Variants in ARL17B observed in about 807,000 individuals in gnomAD.
ARL17B encodes ADP-ribosylation factor-like protein 17.
intron 2 of ARL17B, among the ~76,000 whole-genome samples, chr17:46,357,363 C>G (rs2317345): frequency 2.1e-5 from 2 of 93,764 alleles, no homozygotes; most frequent in African/African-American, 8.5e-5. Flanking sequence ...TTAACAAGCC[C>G]GTAAAACACA....
At chr17:46,282,439 A>C (rs1415273009) in intron 4 of ARL17B, among the ~76,000 whole-genome samples, 2 of 148,408 alleles carry the variant, frequency 1.3e-5, no homozygotes, top group Admixed American at 6.8e-5. Flanking sequence ...TAAACAGGCA[A>C]GTTCTTGCTG....
chr17:46,280,000 C>T (rs181030311), intron 4 of ARL17B, among the ~76,000 whole-genome samples: 3 of 152,334 alleles, frequency 2.0e-5, no homozygotes, highest in Non-Finnish European at 4.4e-5. Context: ...TACCGCACAG[C>T]CTGCTGTACA....
chr17:46,278,596 G>T (rs1299281329), intron 4 of ARL17B, among the ~76,000 whole-genome samples: 7 of 151,474 alleles, frequency 4.6e-5, no homozygotes, highest in African/African-American at 1.7e-4. Context: ...TAGAGATGAG[G>T]TTTCACCATC....
At chr17:46,286,784 T>G (rs2049930557) in intron 4 of ARL17B, among the ~76,000 whole-genome samples, 1 of 152,270 alleles carries the variant, frequency 6.6e-6, no homozygotes, top group South Asian at 2.1e-4. Flanking sequence ...GTGATGCTCT[T>G]ATTAGAACTC....
At chr17:46,286,960 T>C (rs2049938210) in intron 4 of ARL17B, among the ~76,000 whole-genome samples, 1 of 152,252 alleles carries the variant, frequency 6.6e-6, no homozygotes, top group Admixed American at 6.5e-5. Flanking sequence ...ACAGCCAATA[T>C]AGAACCTAGA....
rs2050815161 is a variant in ARL17B at position 46,311,889 on chromosome 17, GA to G, written c.260-12225del. ...CCTTAGTTTAATGTATAAAATGAAG[GA>G]CTTGAACCAGAAATGGAAATGGTCA... On this transcript the variant is annotated intron_variant, in intron 3 of 4. Coordinates refer to the ARL17B transcript ENST00000434041. Among the ~76,000 whole-genome samples, 2 of 57,500 alleles carry G rather than the reference GA, an allele frequency of 3.5e-5. 1 individual carries two copies. The highest frequency in any genetic ancestry group is 1.0e-4 in the Non-Finnish European group (2 of 19,502). 37.7% of individuals were successfully genotyped at this position (57,500 alleles called of 152,430 possible). A position where few individuals can be genotyped will look rare whatever the true frequency, so the allele number is the denominator to read the frequency against.
intron 4 of ARL17B, among the ~76,000 whole-genome samples, chr17:46,283,073 C>T: frequency 6.6e-6 from 1 of 152,072 alleles, no homozygotes; most frequent in Admixed American, 6.5e-5. Flanking sequence ...GAGGTGAGAT[C>T]ACACCACTGC....
chr17:46,340,186 G>A (rs1221061938), intron 3 of ARL17B, among the ~76,000 whole-genome samples: 1 of 98,548 alleles, frequency 1.0e-5, no homozygotes, highest in Admixed American at 1.0e-4. Flanking sequence ...TATCCACAGG[G>A]AAATTCAGGA....
In ARL17B at chr17:46,324,863, T is replaced by A; in HGVS notation, c.260-25198A>T. ...TAAAATATATATATATTTATATATA[T>A]GTACGTGTATATATGTATATGTATG... On this transcript the variant is annotated intron_variant, in intron 3 of 4. Transcript: ENST00000434041. Among the ~76,000 whole-genome samples, 2 of 75,612 alleles carry A rather than the reference T, an allele frequency of 2.6e-5. 1 individual carries two copies. The highest frequency in any genetic ancestry group is 5.0e-4 in the East Asian group (2 of 3,976). The allele number at this position is 75,612 out of a possible 152,430, so 49.6% of individuals were successfully genotyped here. A position where few individuals can be genotyped will look rare whatever the true frequency, so the allele number is the denominator to read the frequency against.
chr17:46,282,837 G>A (rs1205573772), intron 4 of ARL17B, among the ~76,000 whole-genome samples: 1 of 152,204 alleles, frequency 6.6e-6, no homozygotes, highest in Non-Finnish European at 1.5e-5. Context: ...TCACTGTGGG[G>A]GCTGGGCGCG....
chr17:46,322,637 ATAT>A (rs2051455861), intron 3 of ARL17B, among the ~76,000 whole-genome samples: 1 of 22,206 alleles, frequency 4.5e-5, no homozygotes, highest in African/African-American at 6.3e-5. Flanking sequence ...ACATGGAGGA[ATAT>A]TATTTAACCA....
exon 5 of ARL17B, chr17:46,275,269 T>G (rs1165521249): frequency 2.1e-6 from 1 of 483,954 alleles, no homozygotes; most frequent in African/African-American, 2.3e-5. Context: ...AAAACAAAGT[T>G]TAGGTCAAGT....
intron 3 of ARL17B, among the ~76,000 whole-genome samples, chr17:46,314,458 C>A (rs2050960025): frequency 1.2e-5 from 1 of 81,422 alleles, no homozygotes; most frequent in African/African-American, 3.2e-5. Context: ...TCAGGTGACG[C>A]CATTGCACTC....
At chr17:46,327,959 A>G (rs1314343293) in intron 3 of ARL17B, among the ~76,000 whole-genome samples, 5 of 65,990 alleles carry the variant, frequency 7.6e-5, no homozygotes, top group African/African-American at 1.7e-4. Context: ...TAACTCCGCA[A>G]TCCAGGTTAA....
At chr17:46,285,473 C>A (rs1433361305) in intron 4 of ARL17B, among the ~76,000 whole-genome samples, 10 of 152,124 alleles carry the variant, frequency 6.6e-5, no homozygotes, top group Non-Finnish European at 1.0e-4. Context: ...AACTCCTGAC[C>A]TCATGATTTG....
intron 4 of ARL17B, among the ~76,000 whole-genome samples, chr17:46,283,372 A>C (rs1326030310): frequency 6.6e-6 from 1 of 152,274 alleles, no homozygotes; most frequent in African/African-American, 2.4e-5. Context: ...TGGTTCAAGG[A>C]AAGGCTGGGC....
downstream of ARL17B, chr17:46,334,867 A>C (rs537660346): frequency 2.9e-5 from 4 of 137,892 alleles, no homozygotes; most frequent in East Asian, 8.5e-4. Context: ...AAAACCAATA[A>C]AAATACAAAC....
intron 4 of ARL17B, among the ~76,000 whole-genome samples, chr17:46,278,499 G>T (rs1216073678): frequency 6.6e-6 from 1 of 151,778 alleles, no homozygotes; most frequent in Non-Finnish European, 1.5e-5. Flanking sequence ...CCACCTCCTG[G>T]GTTCAAGCGA....
intron 3 of ARL17B, among the ~76,000 whole-genome samples, chr17:46,304,875 G>T (rs1291140589): frequency 3.1e-5 from 2 of 63,990 alleles, no homozygotes; most frequent in African/African-American, 7.3e-5. Flanking sequence ...TTGTTTGTTT[G>T]TTTGTTTGTT....
Sources: gnomAD v4.1 joint callset for allele counts (sites outside exome capture counted in the v4.1 genomes callset) on GRCh38, gnomAD v4.1.1 for gene constraint, MANE v1.5 for transcripts, NCBI Gene and HGNC (gene_info 2026-07-23, HGNC 2026-07-21) for gene names.